The following TRIO variants were observed in gnomAD, a reference collection of about 807,000 sequenced individuals.
The protein encoded by TRIO is trio Rho guanine nucleotide exchange factor, also known as triple functional domain protein.
In TRIO, 58 loss-of-function variants were observed where a neutral mutation model predicts 351.9. The observed-to-expected ratio is 0.16, with a 90% confidence interval of 0.13 to 0.21. TRIO has a LOEUF of 0.21. TRIO is among the 10% of genes least tolerant of loss of function. TRIO has a pLI of 1.00. For synonymous variants in TRIO, 1,758 were observed against 1,595.7 expected, an observed-to-expected ratio of 1.10 and a Z score of -2.42; for missense variants, 3,201 against 4,027.8, an observed-to-expected ratio of 0.79 and a Z score of 5.56.
intron 34 of TRIO, among the ~76,000 whole-genome samples, chr5:14,456,167 A>G (rs1753284549): frequency 6.6e-6 from 1 of 152,178 alleles, no homozygotes; most frequent in South Asian, 2.1e-4. Context: ...CTCGGAGTGC[A>G]GGGCCCGCTG....
At chr5:14,276,602 TC>T (rs1333393009) in intron 2 of TRIO, among the ~76,000 whole-genome samples, 4 of 152,246 alleles carry the variant, frequency 2.6e-5, no homozygotes, top group Non-Finnish European at 5.9e-5. Context: ...GTTAGACTGT[TC>T]CTTGGGAGTT....
At chr5:14,439,375 T>C (rs1329673582) in intron 34 of TRIO, among the ~76,000 whole-genome samples, 1 of 152,192 alleles carries the variant, frequency 6.6e-6, no homozygotes, top group Non-Finnish European at 1.5e-5. Context: ...TTAGCCAAAA[T>C]TATTGTACTC....
intron 1 of TRIO, among the ~76,000 whole-genome samples, chr5:14,239,048 C>T (rs897825145): frequency 1.3e-5 from 2 of 152,082 alleles, no homozygotes; most frequent in Non-Finnish European, 2.9e-5. Flanking sequence ...TAAGAGGTGA[C>T]GTATAACCTA....
At chr5:14,164,757 G>A (rs1284582755) in intron 1 of TRIO, among the ~76,000 whole-genome samples, 5 of 152,164 alleles carry the variant, frequency 3.3e-5, no homozygotes, top group Non-Finnish European at 5.9e-5. Context: ...TCTTTTCCTT[G>A]CAGTATTGCC....
At chr5:14,493,608 C>T (rs1756657717) in intron 49 of TRIO, among the ~76,000 whole-genome samples, 1 of 152,156 alleles carries the variant, frequency 6.6e-6, no homozygotes, top group African/African-American at 2.4e-5. Flanking sequence ...TCAGGCCTGC[C>T]TGAGACACAA....
At chr5:14,448,873 A>AT (rs1752638296) in intron 34 of TRIO, among the ~76,000 whole-genome samples, 1 of 151,794 alleles carries the variant, frequency 6.6e-6, no homozygotes, top group Non-Finnish European at 1.5e-5. Context: ...TTCCTTGGGG[A>AT]TTTTTTCCTT....
chr5:14,318,143 A>AT (rs1338724669), intron 9 of TRIO, among the ~76,000 whole-genome samples: 1 of 150,992 alleles, frequency 6.6e-6, no homozygotes, highest in Non-Finnish European at 1.5e-5. Flanking sequence ...AAAAAAAAAA[A>AT]ATTAGCCTGG....
At chr5:14,332,453 C>T (rs116093084) in intron 10 of TRIO, among the ~76,000 whole-genome samples, 290 of 152,308 alleles carry the variant, frequency 1.9e-3, no homozygotes, top group African/African-American at 6.7e-3. Flanking sequence ...AATGTCCCCA[C>T]GTGTAGCATG....
intron 4 of TRIO, among the ~76,000 whole-genome samples, chr5:14,288,444 G>C (rs942451924): frequency 6.6e-6 from 1 of 152,212 alleles, no homozygotes; most frequent in East Asian, 1.9e-4. Context: ...CGAGGCGGGC[G>C]GACCACGAGG....
At chr5:14,174,621 C>A (rs958939491) in intron 1 of TRIO, among the ~76,000 whole-genome samples, 4 of 152,130 alleles carry the variant, frequency 2.6e-5, no homozygotes. Context: ...GAACCCTTGC[C>A]CCAAGAAGAT....
At chr5:14,456,347 C>T (rs1360318596) in intron 34 of TRIO, among the ~76,000 whole-genome samples, 1 of 152,254 alleles carries the variant, frequency 6.6e-6, no homozygotes, top group Non-Finnish European at 1.5e-5. Flanking sequence ...CTGAAGGGCT[C>T]CTCAAGCGTG....
intron 23 of TRIO, chr5:14,388,072 T>C: frequency 1.9e-6 from 1 of 536,742 alleles, no homozygotes; most frequent in Non-Finnish European, 3.3e-6. Flanking sequence ...TGTGTTTCAT[T>C]TGGAGTTGAT....
At chr5:14,181,469 C>T (rs1789763518) in intron 1 of TRIO, among the ~76,000 whole-genome samples, 1 of 152,322 alleles carries the variant, frequency 6.6e-6, no homozygotes, top group African/African-American at 2.4e-5. Context: ...CACAGCCATT[C>T]TGTGGCCTGC....
intron 34 of TRIO, among the ~76,000 whole-genome samples, chr5:14,423,122 G>A (rs770937337): frequency 3.3e-5 from 5 of 152,176 alleles, no homozygotes; most frequent in Admixed American, 6.5e-5. Context: ...AACAGACGCC[G>A]GGCATAGCAG....
At position 14,460,348 on chromosome 5, in the gene TRIO, A is replaced by C. The variant is rs535167648; in HGVS notation, c.5204-671A>C. On this transcript the variant is annotated intron_variant, in intron 34 of 56. Coordinates refer to ENST00000344204, the MANE Select transcript of TRIO (RefSeq NM_007118.4). Reference sequence around the variant, plus strand: ...CCGCCGTGGCCTGGCCGTGAACAGGAAAGAGGCTGAGGGCCGCTCCTCCGA... The same window carrying C: ...CCGCCGTGGCCTGGCCGTGAACAGGCAAGAGGCTGAGGGCCGCTCCTCCGA... 3.9e-5 allele frequency among the ~76,000 whole-genome samples: 6 copies of C among 152,318 alleles called. No individual in the cohort carries two copies. The South Asian group carries it at 1.2e-3, about 32-fold the overall frequency.
intron 11 of TRIO, among the ~76,000 whole-genome samples, chr5:14,354,632 G>T (rs1022784043): frequency 3.3e-4 from 50 of 152,350 alleles, no homozygotes; most frequent in African/African-American, 1.2e-3. Flanking sequence ...GTTTTCTGAG[G>T]ACCTTTTTCA....
At chr5:14,181,732 T>A (rs879505737) in intron 1 of TRIO, among the ~76,000 whole-genome samples, 1 of 152,054 alleles carries the variant, frequency 6.6e-6, no homozygotes, top group Non-Finnish European at 1.5e-5. Context: ...TCTGTAAAGG[T>A]GGATTAGAGG....
At chr5:14,288,354 T>G (rs1013874622) in intron 4 of TRIO, among the ~76,000 whole-genome samples, 26 of 152,300 alleles carry the variant, frequency 1.7e-4, no homozygotes, top group South Asian at 4.1e-4. Context: ...CACCCAGTGA[T>G]TGCCTCTGTG....
At chr5:14,462,510 G>C (rs1753903775) in intron 35 of TRIO, among the ~76,000 whole-genome samples, 1 of 152,230 alleles carries the variant, frequency 6.6e-6, no homozygotes, top group Non-Finnish European at 1.5e-5. Context: ...GAGCCTAACA[G>C]ATCACATTGG....
Sources: gnomAD v4.1 joint callset for allele counts (sites outside exome capture counted in the v4.1 genomes callset) on GRCh38, gnomAD v4.1.1 for gene constraint, MANE v1.5 for transcripts, NCBI Gene and HGNC (gene_info 2026-07-23, HGNC 2026-07-21) for gene names.